The following SH3GL2 variants were observed in gnomAD, a reference collection of about 807,000 sequenced individuals.
SH3GL2 encodes endophilin-A1.
A neutral mutation model predicts 46.0 loss-of-function variants in SH3GL2; 24 were observed. The ratio of observed to expected loss-of-function variants is 0.52; its 90% CI spans 0.38 to 0.73. The LOEUF (loss-of-function observed/expected upper bound fraction) is 0.73, where lower values mean the gene tolerates loss of function less well. Among genes scored for constraint, SH3GL2 ranks in the 30% least tolerant of loss-of-function variants. SH3GL2 has a pLI of 0.00. For synonymous variants in SH3GL2, 196 were observed against 147.1 expected, an observed-to-expected ratio of 1.33 and a Z score of -2.40; for missense variants, 413 against 424.2, an observed-to-expected ratio of 0.97 and a Z score of 0.23.
intron 1 of SH3GL2, among the ~76,000 whole-genome samples, chr9:17,693,510 G>A (rs1320171582): frequency 6.6e-6 from 1 of 152,054 alleles, no homozygotes; most frequent in Non-Finnish European, 1.5e-5. Context: ...GAATGTTTTT[G>A]TTTTATTTTG....
intron 1 of SH3GL2, among the ~76,000 whole-genome samples, chr9:17,650,794 A>G (rs1404597984): frequency 6.6e-6 from 1 of 152,236 alleles, no homozygotes; most frequent in Non-Finnish European, 1.5e-5. Flanking sequence ...ATTGCTCATG[A>G]TAATTCTTTT....
chr9:17,697,870 G>T (rs1235089877), intron 1 of SH3GL2, among the ~76,000 whole-genome samples: 3 of 152,122 alleles, frequency 2.0e-5, no homozygotes, highest in African/African-American at 7.2e-5. Flanking sequence ...CTTCTCCTTT[G>T]CTCTATTGTC....
intron 1 of SH3GL2, among the ~76,000 whole-genome samples, chr9:17,735,446 T>C (rs771928183): frequency 1.3e-5 from 2 of 152,130 alleles, no homozygotes; most frequent in African/African-American, 2.4e-5. Context: ...TATGTAAGAG[T>C]ATGACATATA....
intron 1 of SH3GL2, among the ~76,000 whole-genome samples, chr9:17,674,265 A>G (rs1467084588): frequency 6.6e-6 from 1 of 151,798 alleles, no homozygotes; most frequent in Non-Finnish European, 1.5e-5. Flanking sequence ...GTGTGATTTT[A>G]TTTATTTATT....
chr9:17,746,852 G>C (rs1822703301), intron 1 of SH3GL2, among the ~76,000 whole-genome samples: 3 of 152,168 alleles, frequency 2.0e-5, no homozygotes, highest in Non-Finnish European at 4.4e-5. Flanking sequence ...AAATTTGAAT[G>C]CTTGCTTCTA....
chr9:17,736,341 T>C (rs1232367395), intron 1 of SH3GL2, among the ~76,000 whole-genome samples: 1 of 152,148 alleles, frequency 6.6e-6, no homozygotes, highest in Non-Finnish European at 1.5e-5. Flanking sequence ...TGTGTAGTTA[T>C]ATTTTTGGTC....
At chr9:17,735,909 G>T in intron 1 of SH3GL2, 1 of 172,938 alleles carries the variant, frequency 5.8e-6, no homozygotes, top group Non-Finnish European at 1.1e-5. Flanking sequence ...GGGGGCAGTG[G>T]ACAAGTACAG....
intron 1 of SH3GL2, among the ~76,000 whole-genome samples, chr9:17,673,093 C>A (rs1009367488): frequency 6.6e-6 from 1 of 152,018 alleles, no homozygotes; most frequent in African/African-American, 2.4e-5. Flanking sequence ...CAATAGTCCT[C>A]CCTAATAAAT....
intron 1 of SH3GL2, among the ~76,000 whole-genome samples, chr9:17,585,277 A>G (rs139717115): frequency 3.6e-4 from 55 of 152,328 alleles, no homozygotes; most frequent in East Asian, 1.7e-3. Flanking sequence ...AACTGCTTCA[A>G]ACTTTAAGGT....
chr9:17,601,242 C>G (rs556793363), intron 1 of SH3GL2, among the ~76,000 whole-genome samples: 2 of 151,270 alleles, frequency 1.3e-5, no homozygotes, highest in African/African-American at 4.9e-5. Context: ...TTTTCTTTTT[C>G]TTTTTTTGGA....
intron 1 of SH3GL2, among the ~76,000 whole-genome samples, chr9:17,735,234 T>C (rs542128740): frequency 6.6e-6 from 1 of 152,250 alleles, no homozygotes; most frequent in South Asian, 2.1e-4. Context: ...ATGTTGACAT[T>C]AGCACATTAC....
At chr9:17,598,262 T>G (rs1443242141) in intron 1 of SH3GL2, among the ~76,000 whole-genome samples, 1 of 152,204 alleles carries the variant, frequency 6.6e-6, no homozygotes, top group Non-Finnish European at 1.5e-5. Context: ...TCACAGACAC[T>G]TTAGATTCTT....
intron 3 of SH3GL2, 169 bp downstream of exon 3, chr9:17,761,678 C>T (rs1823180084): frequency 1.5e-6 from 1 of 678,460 alleles, no homozygotes; most frequent in Non-Finnish European, 2.7e-6. Context: ...GGGAGAAGGG[C>T]TTTTTAAAGC....
At chr9:17,611,934 A>G (rs150096111) in intron 1 of SH3GL2, among the ~76,000 whole-genome samples, 18 of 152,304 alleles carry the variant, frequency 1.2e-4, no homozygotes, top group African/African-American at 4.3e-4. Context: ...AGAATGCTTT[A>G]TGGTTCTGTA....
In SH3GL2 at chr9:17,796,519, G is replaced by A. The variant is rs957813912; in HGVS notation, c.*776G>A. The A allele has an allele frequency of 2.0e-5, 3 of 152,208 alleles. No homozygotes were observed. Among genetic ancestry groups the A allele is most frequent in the Admixed American group, 6.5e-5 (1 of 15,288 alleles). The allele number at this position is 152,208 out of a possible 1,614,324, so 9.4% of individuals were successfully genotyped here. Reference sequence around the variant, plus strand: ...AAATTTCTTGCTATACAGAAACTATGTATGTATTTAGGCTATTTCTGAAGG... The same window carrying A: ...AAATTTCTTGCTATACAGAAACTATATATGTATTTAGGCTATTTCTGAAGG... On this transcript the variant is annotated 3_prime_UTR_variant, in exon 9 of 9. Coordinates refer to ENST00000380607, the MANE Select transcript of SH3GL2 (RefSeq NM_003026.5).
Position 17,644,625 on chromosome 9 carries a change from G to A in SH3GL2, c.45+65338G>A, listed in dbSNP as rs184968608. ...CAGGTTGTTCAGTTTTCATGTAGTCGTGCGGTTTTGAGTGAGTTTCTTCAT... is the reference window on the plus strand; with the variant it reads ...CAGGTTGTTCAGTTTTCATGTAGTCATGCGGTTTTGAGTGAGTTTCTTCAT... On this transcript the variant is annotated intron_variant, in intron 1 of 8. Transcript: ENST00000380607. Among the ~76,000 whole-genome samples, 12 of 152,234 alleles carry A rather than the reference G, an allele frequency of 7.9e-5. No individual in the cohort carries two copies. In the East Asian group the frequency reaches 1.2e-3, roughly 15 times the overall value.
intron 1 of SH3GL2, among the ~76,000 whole-genome samples, chr9:17,729,805 G>T (rs1403410218): frequency 1.3e-5 from 2 of 152,066 alleles, no homozygotes; most frequent in African/African-American, 4.8e-5. Flanking sequence ...TCTCTGTTCT[G>T]TTCATTGGTC....
At position 17,599,017 on chromosome 9, in the gene SH3GL2, T is replaced by C. The variant is rs186901100; in HGVS notation, c.45+19730T>C. Among the ~76,000 whole-genome samples the C allele has an allele frequency of 1.2e-3, 184 of 152,334 alleles. 3 individuals are homozygous for C. The South Asian group carries it at 0.018, about 15-fold the overall frequency. On this transcript the variant is annotated intron_variant, in intron 1 of 8. Transcript: ENST00000380607. Reference sequence around the variant, plus strand: ...AGCAATAAGTAGTACATTGTGGTGATTTGGTATACAATAAAGGCAGTATTT... The same window carrying C: ...AGCAATAAGTAGTACATTGTGGTGACTTGGTATACAATAAAGGCAGTATTT...
At chr9:17,717,154 G>C (rs1274235327) in intron 1 of SH3GL2, among the ~76,000 whole-genome samples, 1 of 152,060 alleles carries the variant, frequency 6.6e-6, no homozygotes, top group Non-Finnish European at 1.5e-5. Context: ...CTGTCTCAAG[G>C]GACAGACTTG....
Sources: gnomAD v4.1 joint callset for allele counts (sites outside exome capture counted in the v4.1 genomes callset) on GRCh38, gnomAD v4.1.1 for gene constraint, MANE v1.5 for transcripts, NCBI Gene and HGNC (gene_info 2026-07-23, HGNC 2026-07-21) for gene names.